The following PTPRT variants were observed in gnomAD, a reference collection of about 807,000 sequenced individuals.
PTPRT encodes receptor-type tyrosine-protein phosphatase T.
In PTPRT, 56 loss-of-function variants were observed where a neutral mutation model predicts 176.8. The observed-to-expected ratio is 0.32, with a 90% CI of 0.26 to 0.40. PTPRT has a LOEUF of 0.40. PTPRT is among the 10% of genes least tolerant of loss of function. PTPRT has a pLI of 1.00. For synonymous variants in PTPRT, 783 were observed against 739.0 expected (o/e 1.06, Z -0.96); for missense variants, 1,540 against 1,908.2 (o/e 0.81, Z 3.60).
chr20:42,808,505 G>C (rs1358989812), intron 2 of PTPRT, among the ~76,000 whole-genome samples: 1 of 152,144 alleles, frequency 6.6e-6, no homozygotes, highest in Non-Finnish European at 1.5e-5. Context: ...ACTGGTGAGA[G>C]GGGATGTGGA....
intron 7 of PTPRT, among the ~76,000 whole-genome samples, chr20:42,536,450 C>T (rs2072477939): frequency 6.6e-6 from 1 of 152,144 alleles, no homozygotes; most frequent in African/African-American, 2.4e-5. Flanking sequence ...GATTTTTATT[C>T]TACCTGCAGT....
At chr20:43,185,532 T>C (rs1169309289) in intron 1 of PTPRT, among the ~76,000 whole-genome samples, 1 of 152,204 alleles carries the variant, frequency 6.6e-6, no homozygotes, top group Admixed American at 6.5e-5. Context: ...ACATTCCCTA[T>C]TTAAACCCTT....
rs149581577 is a variant in PTPRT, at chr20:42,551,386, T to C, written c.1154-78824A>G. Among the ~76,000 whole-genome samples, 62 of 152,258 alleles carry C rather than the reference T, an allele frequency of 4.1e-4. No homozygotes were observed. The East Asian group carries it at 8.1e-3, about 20-fold the overall frequency. On this transcript the variant is annotated intron_variant, in intron 7 of 30. Coordinates refer to ENST00000373187, the MANE Select transcript of PTPRT (RefSeq NM_007050.6). ...GGTTCATCTTTCCTCTTTTCATCCA[T>C]AGACAAATTTCAATAATTATCTTAG... is the stretch of plus-strand genomic sequence containing the variant.
intron 1 of PTPRT, among the ~76,000 whole-genome samples, chr20:42,920,247 G>A (rs555576753): frequency 6.6e-6 from 1 of 152,326 alleles, no homozygotes; most frequent in African/African-American, 2.4e-5. Flanking sequence ...TACGCAACAA[G>A]ATGAATGAAT....
At chr20:43,104,624 T>G (rs914197432) in intron 1 of PTPRT, among the ~76,000 whole-genome samples, 2 of 152,230 alleles carry the variant, frequency 1.3e-5, no homozygotes, top group African/African-American at 4.8e-5. Context: ...GATGGAACTT[T>G]CCATGATTGC....
chr20:42,185,849 T>C (rs1185896420), intron 16 of PTPRT, among the ~76,000 whole-genome samples: 1 of 152,078 alleles, frequency 6.6e-6, no homozygotes, highest in East Asian at 1.9e-4. Context: ...AAATAAATGG[T>C]CCTTCCCTCT....
chr20:43,031,420 G>A (rs1200393949), intron 1 of PTPRT, among the ~76,000 whole-genome samples: 1 of 152,176 alleles, frequency 6.6e-6, no homozygotes, highest in East Asian at 1.9e-4. Context: ...GCCCTCACCA[G>A]ATACTGAATC....
chr20:42,808,491 C>A (rs1189095265), intron 2 of PTPRT, among the ~76,000 whole-genome samples: 3 of 152,062 alleles, frequency 2.0e-5, no homozygotes, highest in Non-Finnish European at 4.4e-5. Context: ...GGTGTCCTGG[C>A]CTGACTGGTG....
chr20:43,095,850 T>C (rs199693834), intron 1 of PTPRT, among the ~76,000 whole-genome samples: 8 of 290 alleles, frequency 0.028, no homozygotes, highest in South Asian at 0.5. Context: ...CCCTCTCCCT[T>C]TCTCTCCTTC....
rs187938977 is a variant in PTPRT, at chr20:42,402,056, T to C, written c.1560+46164A>G. On this transcript the variant is annotated intron_variant, in intron 9 of 30. Transcript: ENST00000373187. ...TCTAATCAGGCTAAGAACTGTTAGG[T>C]GGTCTACAATGGCACATTCTGCCAG... 3.0e-3 allele frequency among the ~76,000 whole-genome samples: 451 copies of C among 152,090 alleles called. 3 individuals carry two copies. The highest frequency in any genetic ancestry group is 0.014 in the Middle Eastern group (4 of 294).
At chr20:42,785,422 C>T (rs1425995297) in intron 3 of PTPRT, among the ~76,000 whole-genome samples, 2 of 152,218 alleles carry the variant, frequency 1.3e-5, no homozygotes, top group African/African-American at 4.8e-5. Context: ...AGGACCAGAG[C>T]TCCAGGTCTG....
At chr20:42,525,565 C>T (rs1376753117) in intron 7 of PTPRT, among the ~76,000 whole-genome samples, 1 of 152,180 alleles carries the variant, frequency 6.6e-6, no homozygotes, top group African/African-American at 2.4e-5. Context: ...AAAACACACA[C>T]TCGTCCTCTC....
At chr20:43,150,754 G>A (rs945714900) in intron 1 of PTPRT, among the ~76,000 whole-genome samples, 1 of 152,004 alleles carries the variant, frequency 6.6e-6, no homozygotes, top group African/African-American at 2.4e-5. Flanking sequence ...ACTGTGTCCG[G>A]CCTTCCACAG....
intron 2 of PTPRT, among the ~76,000 whole-genome samples, chr20:42,862,444 A>G (rs1029321189): frequency 2.6e-5 from 4 of 152,244 alleles, no homozygotes; most frequent in African/African-American, 9.6e-5. Flanking sequence ...GCTCCAGGAA[A>G]TTGGGTCTAT....
intron 1 of PTPRT, among the ~76,000 whole-genome samples, chr20:43,103,673 G>A (rs1053939081): frequency 4.0e-5 from 6 of 151,830 alleles, no homozygotes; most frequent in East Asian, 1.9e-4. Context: ...AGATATTATC[G>A]TGGTTTGTGA....
chr20:42,934,156 G>A (rs56397394), intron 1 of PTPRT, among the ~76,000 whole-genome samples: 1,686 of 152,240 alleles, frequency 0.011, 25 homozygotes, highest in African/African-American at 0.038. Flanking sequence ...TCATTACGGC[G>A]TTGCTAACAG....
At chr20:42,692,152 A>G (rs1350835138) in intron 6 of PTPRT, among the ~76,000 whole-genome samples, 1 of 152,206 alleles carries the variant, frequency 6.6e-6, no homozygotes, top group East Asian at 1.9e-4. Flanking sequence ...CCTTTACACA[A>G]ATTATTTCAG....
At chr20:42,472,697 G>T in intron 7 of PTPRT, 135 bp from the exon 8 acceptor site, 2 of 866,656 alleles carry the variant, frequency 2.3e-6, no homozygotes, top group South Asian at 1.8e-5. Flanking sequence ...CATGATTTTT[G>T]ACACAGGCAA....
At chr20:42,757,076 A>T (rs997689728) in intron 5 of PTPRT, among the ~76,000 whole-genome samples, 2 of 144,454 alleles carry the variant, frequency 1.4e-5, no homozygotes, top group Non-Finnish European at 3.0e-5. Flanking sequence ...AAAAAAAAAA[A>T]GGGCAGGAGT....
Sources: allele counts gnomAD v4.1 joint callset (sites outside exome capture counted in the v4.1 genomes callset), GRCh38; gene constraint gnomAD v4.1.1; transcripts MANE v1.5; gene names NCBI Gene and HGNC (gene_info 2026-07-23, HGNC 2026-07-21).